AMZ1: variants seen among roughly 807,000 people sequenced by gnomAD.
AMZ1 encodes archaemetzincin-1.
Under a neutral mutation model 29.9 loss-of-function variants are expected in AMZ1, and 39 were observed. The ratio of observed to expected loss-of-function variants is 1.30; its 90% CI spans 1.01 to 1.70. The LOEUF is 1.70. Among genes scored for constraint, AMZ1 ranks in the 40% most tolerant of loss-of-function variants. The probability of loss-of-function intolerance (pLI) is 0.00; values close to 1 mark genes in which losing one functional copy is unlikely to be tolerated. For synonymous variants in AMZ1, 458 were observed against 304.0 expected (o/e 1.51, Z -5.27); for missense variants, 1,041 against 680.6 (o/e 1.53, Z -5.89).
At chr7:2,704,323 C>A (rs1450442161) in intron 3 of AMZ1, among the ~76,000 whole-genome samples, 1 of 152,136 alleles carries the variant, frequency 6.6e-6, no homozygotes, top group Non-Finnish European at 1.5e-5. Flanking sequence ...GGCAACTAGG[C>A]CAGACCCTGT....
chr7:2,733,549 C>T (rs372884875), intron 4 of AMZ1: 1 of 1,451,376 alleles, frequency 6.9e-7, no homozygotes, highest in Non-Finnish European at 9.7e-7. Flanking sequence ...CTGAGGAATC[C>T]TGATGTGGCA....
At chr7:2,685,169 C>T (rs550079918), upstream of AMZ1, among the ~76,000 whole-genome samples, 143 of 151,564 alleles carry the variant, frequency 9.4e-4, no homozygotes, top group African/African-American at 3.2e-3. Context: ...CGCCCGGCCT[C>T]GATGCATAAT....
At chr7:2,742,024 A>AT (rs1790532119) in intron 4 of AMZ1, among the ~76,000 whole-genome samples, 1 of 151,090 alleles carries the variant, frequency 6.6e-6, no homozygotes, top group African/African-American at 2.4e-5. Context: ...GAATTTTTTT[A>AT]TTTTTTTATT....
At chr7:2,709,878 C>A in intron 6 of AMZ1, 62 bp downstream of exon 6, 3 of 1,581,872 alleles carry the variant, frequency 1.9e-6, no homozygotes, top group Non-Finnish European at 2.6e-6. Flanking sequence ...CCGCGAGCGC[C>A]GCCTGGAGGC....
intron 1 of AMZ1, among the ~76,000 whole-genome samples, chr7:2,688,901 C>G (rs1254572924): frequency 6.6e-6 from 1 of 152,242 alleles, no homozygotes; most frequent in East Asian, 1.9e-4. Context: ...AAATGGCAAA[C>G]TTTACAAAGG....
upstream of AMZ1, among the ~76,000 whole-genome samples, chr7:2,687,979 C>T (rs573345610): frequency 6.6e-6 from 1 of 152,140 alleles, no homozygotes; most frequent in South Asian, 2.1e-4. Context: ...TGACTGACCT[C>T]CCTCACCTGT....
rs376896309 is a variant in AMZ1, at chr7:2,709,170, G to C, written c.697G>C (p.Gly233Arg). 8 of 1,547,964 alleles carry C rather than the reference G, an allele frequency of 5.2e-6. No individual in the cohort carries two copies. In the South Asian group the frequency reaches 6.2e-5, roughly 12 times the overall value. ...GGCCCTGGTAGAGGCAGCAGCAGACGGCCCCGAGGCCCCCCTGCAGGACAG... is the reference window on the plus strand; with the variant it reads ...GGCCCTGGTAGAGGCAGCAGCAGACCGCCCCGAGGCCCCCCTGCAGGACAG... Reference protein sequence around the residue: ...DLALVEAAADGPEAPLQDRGW... With the variant: ...DLALVEAAADRPEAPLQDRGW... Residue 233 changes from glycine (G) to arginine (R), a missense_variant, in exon 5 of 7, where the codon GGC (glycine) becomes CGC (arginine). Physicochemically the swap from Gly to Arg is moderately radical, Grantham distance 125 (BLOSUM62 -2). Coordinates refer to ENST00000683327, the MANE Select transcript of AMZ1 (RefSeq NM_001384743.1).
At chr7:2,734,550 G>A (rs758948090) in intron 4 of AMZ1, among the ~76,000 whole-genome samples, 11 of 152,226 alleles carry the variant, frequency 7.2e-5, no homozygotes, top group Non-Finnish European at 1.3e-4. Context: ...TGATGGCGCT[G>A]AAGCTCGTGG....
chr7:2,703,580 G>C (rs543190341), intron 3 of AMZ1, among the ~76,000 whole-genome samples: 1 of 152,306 alleles, frequency 6.6e-6, no homozygotes, highest in South Asian at 2.1e-4. Flanking sequence ...TGTGAGGCAG[G>C]GTTGAGAGGC....
intron 1 of AMZ1, among the ~76,000 whole-genome samples, chr7:2,693,160 G>A (rs545094334): frequency 6.6e-6 from 1 of 152,360 alleles, no homozygotes; most frequent in South Asian, 2.1e-4. Context: ...GGAGTGCAGT[G>A]GCGCGATTTC....
At chr7:2,689,665 C>A (rs531640015) in intron 1 of AMZ1, among the ~76,000 whole-genome samples, 2 of 152,314 alleles carry the variant, frequency 1.3e-5, no homozygotes, top group Non-Finnish European at 1.5e-5. Context: ...CCTGAAACAC[C>A]GCAGTGGCAC....
At chr7:2,754,880 G>A (rs752183982) in intron 4 of AMZ1, among the ~76,000 whole-genome samples, 1 of 152,194 alleles carries the variant, frequency 6.6e-6, no homozygotes, top group Non-Finnish European at 1.5e-5. Context: ...TAGGCCCCAA[G>A]GAGTTTCTAC....
chr7:2,707,609 C>T (rs940381118), intron 3 of AMZ1, among the ~76,000 whole-genome samples: 1 of 152,080 alleles, frequency 6.6e-6, no homozygotes, highest in Admixed American at 6.6e-5. Flanking sequence ...CCACTGTGAT[C>T]TCACAGTGCT....
At chr7:2,733,033 G>T (rs964217858) in intron 4 of AMZ1, among the ~76,000 whole-genome samples, 4 of 152,200 alleles carry the variant, frequency 2.6e-5, no homozygotes, top group African/African-American at 9.7e-5. Context: ...TTTTCGTCTT[G>T]TCTTTTTGAG....
chr7:2,720,990 T>C (rs1393606145), downstream of AMZ1, among the ~76,000 whole-genome samples: 4 of 152,174 alleles, frequency 2.6e-5, no homozygotes, highest in African/African-American at 9.7e-5. Context: ...GTTATTTCTG[T>C]TTATACGAAT....
intron 1 of AMZ1, among the ~76,000 whole-genome samples, chr7:2,689,333 C>T (rs1316474409): frequency 1.3e-5 from 2 of 151,756 alleles, no homozygotes; most frequent in Non-Finnish European, 2.9e-5. Flanking sequence ...CTGGGCCAGT[C>T]TGGCGGCCCT....
At chr7:2,745,168 A>C (rs534875087) in intron 4 of AMZ1, among the ~76,000 whole-genome samples, 26 of 152,328 alleles carry the variant, frequency 1.7e-4, no homozygotes, top group African/African-American at 6.3e-4. Context: ...AATACAGAGA[A>C]CACCACAAAG....
rs1340811841 is a variant in AMZ1, at chr7:2,718,216, A to G, written c.*5338A>G. ...GCCCGGCATGGAGTCACGTGGCTCCACCCTGGGGCTCCTCTGATGCCGAGA... is the reference window on the plus strand; with the variant it reads ...GCCCGGCATGGAGTCACGTGGCTCCGCCCTGGGGCTCCTCTGATGCCGAGA... On this transcript the variant is annotated 3_prime_UTR_variant, in exon 7 of 7. Transcript: ENST00000683327. Among the ~76,000 whole-genome samples the G allele has an allele frequency of 6.6e-6, 1 of 152,104 alleles. No homozygotes were observed. The highest frequency in any genetic ancestry group is 2.4e-5 in the African/African-American group (1 of 41,418).
At position 2,688,307 on chromosome 7, in the gene AMZ1, G is replaced by A. The variant is rs942686800; in HGVS notation, c.-219+11G>A. The stretch of plus-strand genomic sequence containing the variant: ...GCGCGGGACTGCGAGGTAGGGGGGC[G>A]CGCGGGGAAGACTCGGGGGCGCAGG... On this transcript the variant is annotated intron_variant, in intron 1 of 6. Transcript: ENST00000683327. 1 of 151,710 alleles carries A rather than the reference G, an allele frequency of 6.6e-6. No individual in the cohort carries two copies. The highest frequency in any genetic ancestry group is 2.1e-4 in the South Asian group (1 of 4,836). 9.4% of individuals were successfully genotyped at this position (151,710 alleles called of 1,614,324 possible).
Sources: allele counts gnomAD v4.1 joint callset (sites outside exome capture counted in the v4.1 genomes callset), GRCh38; gene constraint gnomAD v4.1.1; transcripts MANE v1.5; gene names NCBI Gene and HGNC (gene_info 2026-07-23, HGNC 2026-07-21).